Variants in PTPRD observed in about 807,000 individuals in gnomAD.
The protein encoded by PTPRD is protein tyrosine phosphatase receptor type D, also known as receptor-type tyrosine-protein phosphatase delta.
Under a neutral mutation model 214.5 loss-of-function variants are expected in PTPRD, and 34 were observed. The ratio of observed to expected loss-of-function variants is 0.16; its 90% confidence interval spans 0.12 to 0.21. The LOEUF is 0.21. PTPRD is among the 10% of genes least tolerant of loss of function. PTPRD has a pLI of 1.00. For missense variants in PTPRD, 2,545 were observed against 2,398.7 expected (o/e 1.06, Z -1.27); for synonymous variants, 1,128 against 845.7 (o/e 1.33, Z -5.79).
Position 8,903,768 on chromosome 9 carries a change from T to TAG in PTPRD, c.-104+114928_-104+114929insCT. On this transcript the variant is annotated intron_variant, in intron 11 of 45. Transcript: ENST00000381196. ...TCTACCTTTAAAAAATTATGGGAAA[T>TAG]TTGATTACTATTTAAAAGACTACTC... Among the ~76,000 whole-genome samples, 797 of 148,278 alleles carry TAG rather than the reference T, an allele frequency of 5.4e-3. 22 individuals are homozygous for TAG. The highest frequency in any genetic ancestry group is 0.02 in the African/African-American group (750 of 37,836).
At chr9:8,437,942 C>A (rs2095415720) in intron 34 of PTPRD, among the ~76,000 whole-genome samples, 1 of 152,112 alleles carries the variant, frequency 6.6e-6, no homozygotes, top group African/African-American at 2.4e-5. Flanking sequence ...ATTAATTTTA[C>A]AGAAGTATCA....
intron 4 of PTPRD, among the ~76,000 whole-genome samples, chr9:9,973,477 A>G (rs1335567613): frequency 6.6e-6 from 1 of 152,098 alleles, no homozygotes; most frequent in Non-Finnish European, 1.5e-5. Flanking sequence ...GTCTCAAAAA[A>G]AAAAAATTAA....
chr9:10,105,316 C>T (rs2098614285), intron 3 of PTPRD, among the ~76,000 whole-genome samples: 1 of 151,794 alleles, frequency 6.6e-6, no homozygotes, highest in South Asian at 2.1e-4. Context: ...AAGTAATTGT[C>T]TAACCACCTA....
chr9:8,359,786 T>C (rs73643619), intron 39 of PTPRD, among the ~76,000 whole-genome samples: 8,237 of 152,288 alleles, frequency 0.054, 742 homozygotes, highest in African/African-American at 0.19. Flanking sequence ...CATTGCTTTG[T>C]TTGTGTCAAA....
chr9:10,604,274 C>T (rs1031311821), intron 2 of PTPRD, among the ~76,000 whole-genome samples: 11 of 151,850 alleles, frequency 7.2e-5, no homozygotes, highest in African/African-American at 2.7e-4. Context: ...ATTCCTTTCT[C>T]TTAAAATAGC....
At chr9:9,422,905 T>G (rs191552791) in intron 8 of PTPRD, among the ~76,000 whole-genome samples, 1 of 152,204 alleles carries the variant, frequency 6.6e-6, no homozygotes. Flanking sequence ...ACCTTTAAGT[T>G]GTTACAGACA....
intron 11 of PTPRD, among the ~76,000 whole-genome samples, chr9:8,921,621 G>C (rs552620044): frequency 2.0e-5 from 3 of 151,994 alleles, no homozygotes; most frequent in Non-Finnish European, 4.4e-5. Flanking sequence ...AACCTCCTGA[G>C]TAGCTGGGAT....
At chr9:8,948,824 G>C (rs1476191999) in intron 11 of PTPRD, among the ~76,000 whole-genome samples, 1 of 151,302 alleles carries the variant, frequency 6.6e-6, no homozygotes, top group African/African-American at 2.4e-5. Flanking sequence ...TGGAATATTT[G>C]GAAGGTAACA....
chr9:8,674,827 G>A (rs1351993736), intron 12 of PTPRD, among the ~76,000 whole-genome samples: 1 of 152,072 alleles, frequency 6.6e-6, no homozygotes, highest in South Asian at 2.1e-4. Context: ...TTTCCAAATT[G>A]GGTTGTTTTT....
intron 3 of PTPRD, among the ~76,000 whole-genome samples, chr9:10,285,289 G>T (rs1469327391): frequency 7.0e-6 from 1 of 142,076 alleles, no homozygotes; most frequent in African/African-American, 2.7e-5. Flanking sequence ...AAATAAAAGT[G>T]CAGAAAGAAT....
intron 11 of PTPRD, among the ~76,000 whole-genome samples, chr9:8,835,584 C>G (rs1330088767): frequency 6.6e-6 from 1 of 152,218 alleles, no homozygotes; most frequent in Non-Finnish European, 1.5e-5. Context: ...AGCTGGAGTG[C>G]AGTGGCACAA....
intron 11 of PTPRD, among the ~76,000 whole-genome samples, chr9:8,930,953 C>T (rs1032788041): frequency 2.0e-5 from 3 of 152,138 alleles, no homozygotes; most frequent in Non-Finnish European, 2.9e-5. Context: ...TGTGCAGAAG[C>T]TCTTTAGTTT....
intron 11 of PTPRD, among the ~76,000 whole-genome samples, chr9:8,928,092 C>T (rs1288008294): frequency 6.6e-6 from 1 of 152,064 alleles, no homozygotes; most frequent in African/African-American, 2.4e-5. Context: ...TTTGCAGATT[C>T]TGGATATTTG....
intron 14 of PTPRD, among the ~76,000 whole-genome samples, chr9:8,617,956 T>C (rs1484902131): frequency 6.6e-6 from 1 of 152,104 alleles, no homozygotes; most frequent in African/African-American, 2.4e-5. Flanking sequence ...TCACTAACTT[T>C]GAAACTGGTA....
At chr9:10,453,308 T>A (rs1297449330) in intron 2 of PTPRD, among the ~76,000 whole-genome samples, 3 of 151,662 alleles carry the variant, frequency 2.0e-5, no homozygotes, top group Non-Finnish European at 4.4e-5. Flanking sequence ...TGAGATTTTG[T>A]GGTTCCATAT....
At chr9:8,500,433 C>G (rs1281961626) in intron 24 of PTPRD, among the ~76,000 whole-genome samples, 3 of 150,548 alleles carry the variant, frequency 2.0e-5, no homozygotes, top group South Asian at 4.2e-4. Flanking sequence ...GAAGTGACTA[C>G]AAAAAGCCAA....
chr9:10,146,936 C>A (rs2099026799), intron 3 of PTPRD, among the ~76,000 whole-genome samples: 1 of 152,094 alleles, frequency 6.6e-6, no homozygotes, highest in South Asian at 2.1e-4. Flanking sequence ...CTGACAGAGA[C>A]AGTTGATAAG....
intron 2 of PTPRD, among the ~76,000 whole-genome samples, chr9:10,439,812 GAA>G (rs2098747232): frequency 6.6e-6 from 1 of 151,616 alleles, no homozygotes; most frequent in Non-Finnish European, 1.5e-5. Flanking sequence ...GGGCAGGAAT[GAA>G]AATCATTATT....
chr9:8,431,049 C>T (rs766397702), intron 35 of PTPRD, among the ~76,000 whole-genome samples: 10 of 152,150 alleles, frequency 6.6e-5, no homozygotes, highest in Non-Finnish European at 1.0e-4. Context: ...GTTCCTCCTC[C>T]CAGCTCACAA....
Sources: allele counts gnomAD v4.1 joint callset (sites outside exome capture counted in the v4.1 genomes callset), GRCh38; gene constraint gnomAD v4.1.1; transcripts MANE v1.5; gene names NCBI Gene and HGNC (gene_info 2026-07-23, HGNC 2026-07-21).